EXOC6B: variants seen among roughly 807,000 people sequenced by gnomAD.
EXOC6B encodes the protein SEC15 homolog B.
A neutral mutation model predicts 113.5 loss-of-function variants in EXOC6B; 54 were observed. The ratio of observed to expected loss-of-function variants is 0.48; its 90% CI spans 0.38 to 0.60. The LOEUF is 0.60. EXOC6B is among the 20% of genes least tolerant of loss of function. The pLI, the probability that EXOC6B is intolerant of heterozygous loss-of-function variation, is 0.00. For synonymous variants in EXOC6B, 357 were observed against 339.0 expected, an observed-to-expected ratio of 1.05 and a Z score of -0.58; for missense variants, 797 against 977.5, an observed-to-expected ratio of 0.82 and a Z score of 2.46.
intron 6 of EXOC6B, among the ~76,000 whole-genome samples, chr2:72,583,498 C>A (rs1705352822): frequency 6.6e-6 from 1 of 152,148 alleles, no homozygotes; most frequent in Non-Finnish European, 1.5e-5. Flanking sequence ...ATGGGGCTAA[C>A]AGTGAACTTC....
intron 11 of EXOC6B, among the ~76,000 whole-genome samples, chr2:72,502,274 G>A (rs1700365628): frequency 6.6e-6 from 1 of 152,104 alleles, no homozygotes; most frequent in Non-Finnish European, 1.5e-5. Context: ...GAGGCTGGGC[G>A]TGGTGGCTCA....
intron 14 of EXOC6B, 76 bp from the exon 15 acceptor site, chr2:72,495,615 C>G: frequency 1.3e-6 from 1 of 777,932 alleles, no homozygotes; most frequent in South Asian, 1.7e-5. Context: ...ATTTAGGTTG[C>G]AAAAAGAACA....
intron 6 of EXOC6B, among the ~76,000 whole-genome samples, chr2:72,652,377 T>C (rs1674240515): frequency 1.3e-5 from 2 of 152,166 alleles, no homozygotes; most frequent in South Asian, 4.1e-4. Flanking sequence ...TGCTTCAGTA[T>C]TAATTAAATA....
At chr2:72,416,875 C>G (rs949921841) in intron 18 of EXOC6B, among the ~76,000 whole-genome samples, 1 of 152,056 alleles carries the variant, frequency 6.6e-6, no homozygotes, top group African/African-American at 2.4e-5. Flanking sequence ...CAAAAAGCAT[C>G]CTGCTTTTTG....
At chr2:72,594,396 C>T (rs561048656) in intron 6 of EXOC6B, among the ~76,000 whole-genome samples, 1 of 152,268 alleles carries the variant, frequency 6.6e-6, no homozygotes, top group Non-Finnish European at 1.5e-5. Context: ...TACCCTAATA[C>T]TAAAGACTAG....
At chr2:72,787,490 G>A (rs115838418) in intron 1 of EXOC6B, among the ~76,000 whole-genome samples, 5,724 of 152,016 alleles carry the variant, frequency 0.038, 335 homozygotes, top group African/African-American at 0.13. Context: ...GTGAGCCACA[G>A]TGCCCGGCCT....
intron 20 of EXOC6B, among the ~76,000 whole-genome samples, chr2:72,324,770 T>C (rs1688031216): frequency 6.6e-6 from 1 of 152,030 alleles, no homozygotes; most frequent in Non-Finnish European, 1.5e-5. Flanking sequence ...TTCCTGAAAT[T>C]TGTGGTTACA....
intron 20 of EXOC6B, among the ~76,000 whole-genome samples, chr2:72,321,739 G>T (rs908924837): frequency 6.6e-6 from 1 of 152,146 alleles, no homozygotes; most frequent in East Asian, 1.9e-4. Flanking sequence ...AGTAGAGGGC[G>T]AAGAGTCATT....
At chr2:72,428,751 T>C (rs1481072805) in intron 18 of EXOC6B, among the ~76,000 whole-genome samples, 2 of 152,160 alleles carry the variant, frequency 1.3e-5, no homozygotes, top group East Asian at 1.9e-4. Flanking sequence ...CAACAATATC[T>C]AGAAAATAGC....
intron 20 of EXOC6B, among the ~76,000 whole-genome samples, chr2:72,229,037 T>C (rs1480299194): frequency 6.6e-6 from 1 of 152,240 alleles, no homozygotes; most frequent in Non-Finnish European, 1.5e-5. Flanking sequence ...CATTTTTTCA[T>C]GTGTCTTTTG....
chr2:72,365,978 T>C lies in EXOC6B; in HGVS notation c.2122+13751A>G, dbSNP rs529759036. ...TCCAATTGCAAATAACTAAAATCCA[T>C]GTGCAAACAAAATATAATATTATTT... On this transcript the variant is annotated intron_variant, in intron 19 of 21. Coordinates refer to ENST00000272427, the MANE Select transcript of EXOC6B (RefSeq NM_015189.3). Among the ~76,000 whole-genome samples, 7 of 152,010 alleles carry C rather than the reference T, an allele frequency of 4.6e-5. No homozygotes were observed. The East Asian group carries it at 1.2e-3, about 25-fold the overall frequency.
chr2:72,814,863 C>A (rs1015522413), intron 1 of EXOC6B, among the ~76,000 whole-genome samples: 4 of 152,090 alleles, frequency 2.6e-5, no homozygotes, highest in Non-Finnish European at 5.9e-5. Context: ...TGGTGGCAGG[C>A]GCCTGTAGTC....
chr2:72,301,682 CA>C (rs1256013699), intron 20 of EXOC6B, among the ~76,000 whole-genome samples: 3 of 152,082 alleles, frequency 2.0e-5, no homozygotes, highest in African/African-American at 7.2e-5. Flanking sequence ...TTTGTGGGGT[CA>C]GGGGTAACAT....
intron 6 of EXOC6B, among the ~76,000 whole-genome samples, chr2:72,611,097 T>G (rs1671044521): frequency 6.6e-6 from 1 of 152,114 alleles, no homozygotes; most frequent in African/African-American, 2.4e-5. Context: ...GTGTGGTGGC[T>G]CACACCTGTA....
At chr2:72,426,990 G>A (rs1247785241) in intron 18 of EXOC6B, among the ~76,000 whole-genome samples, 2 of 152,216 alleles carry the variant, frequency 1.3e-5, no homozygotes, top group African/African-American at 4.8e-5. Context: ...TGGGCTCCCA[G>A]GCCCGGAGCC....
At chr2:72,436,327 A>G (rs1695869566) in intron 18 of EXOC6B, among the ~76,000 whole-genome samples, 1 of 151,984 alleles carries the variant, frequency 6.6e-6, no homozygotes, top group Admixed American at 6.6e-5. Flanking sequence ...GTCTGCCCTT[A>G]ACATTTTTTC....
intron 6 of EXOC6B, among the ~76,000 whole-genome samples, chr2:72,586,404 A>G (rs1705572175): frequency 6.6e-6 from 1 of 152,134 alleles, no homozygotes; most frequent in South Asian, 2.1e-4. Context: ...AAAAACAAAT[A>G]ACCCCATTAA....
chr2:72,274,876 C>T (rs1684717993), intron 20 of EXOC6B, among the ~76,000 whole-genome samples: 1 of 152,034 alleles, frequency 6.6e-6, no homozygotes, highest in Non-Finnish European at 1.5e-5. Context: ...AAAAGGGACC[C>T]AAATTTTTTT....
At chr2:72,699,253 G>A (rs544888998) in intron 6 of EXOC6B, among the ~76,000 whole-genome samples, 10 of 152,192 alleles carry the variant, frequency 6.6e-5, no homozygotes, top group Non-Finnish European at 1.5e-4. Flanking sequence ...GCCAAGGCGG[G>A]TGGATCACGA....
Sources: gnomAD v4.1 joint callset for allele counts (sites outside exome capture counted in the v4.1 genomes callset) on GRCh38, gnomAD v4.1.1 for gene constraint, MANE v1.5 for transcripts, NCBI Gene and HGNC (gene_info 2026-07-23, HGNC 2026-07-21) for gene names.